CD2AP: variants seen among roughly 807,000 people sequenced by gnomAD.
CD2AP encodes the protein CD2 associated protein.
Under a neutral mutation model 85.1 loss-of-function variants are expected in CD2AP, and 46 were observed. That is an observed-to-expected ratio of 0.54 (90% CI 0.43 to 0.69). The LOEUF (loss-of-function observed/expected upper bound fraction) is 0.69. Among genes scored for constraint, CD2AP ranks in the 30% least tolerant of loss-of-function variants. CD2AP has a pLI of 0.00. For missense variants in CD2AP, 769 were observed against 729.5 expected (o/e 1.05, Z -0.62); for synonymous variants, 255 against 252.9 (o/e 1.01, Z -0.08).
intron 11 of CD2AP, among the ~76,000 whole-genome samples, chr6:47,588,126 T>G (rs896952132): frequency 1.3e-5 from 2 of 152,182 alleles, no homozygotes; most frequent in Admixed American, 1.3e-4. Flanking sequence ...TGTACTTCTC[T>G]CAGAATCTTT....
chr6:47,513,894 G>GA (rs934319202), intron 2 of CD2AP, among the ~76,000 whole-genome samples: 1 of 145,732 alleles, frequency 6.9e-6, no homozygotes, highest in Non-Finnish European at 1.5e-5. Context: ...TTTTTTTTTG[G>GA]GGGGGGGGCT....
At position 47,606,238 on chromosome 6, in the gene CD2AP, TG is replaced by T. The variant is rs1440242332; in HGVS notation, c.1493del (p.Gly498GlufsTer22). On this transcript the variant is annotated frameshift_variant, in exon 14 of 18. Transcript: ENST00000359314. LOFTEE classifies it high-confidence loss of function. Reference protein sequence around the residue: ...HLTANRPKMPGRRLPGRFNGG... With the variant: ...HLTANRPKMPXRRLPGRFNGG... ...TCACTGCAAATAGACCAAAGATGCC[TG>T]GAAGAAGGTTGCCGGGCCGTTTCAA... 6.2e-7 allele frequency: 1 copy of T among 1,611,046 alleles called. No homozygotes were observed. Among genetic ancestry groups the T allele is most frequent in the Admixed American group, 1.7e-5 (1 of 59,918 alleles).
chr6:47,579,321 C>G, intron 8 of CD2AP, 64 bp from the exon 9 acceptor site: 1 of 951,938 alleles, frequency 1.1e-6, no homozygotes, highest in Non-Finnish European at 1.6e-6. Flanking sequence ...GCCAACAGAG[C>G]AACACTTTAT....
At chr6:47,612,309 C>A (rs779683099) in intron 16 of CD2AP, among the ~76,000 whole-genome samples, 164 bp from the exon 17 acceptor site, 8 of 152,078 alleles carry the variant, frequency 5.3e-5, no homozygotes, top group East Asian at 1.9e-4. Context: ...TTATATTGAA[C>A]CATTCTAACT....
At chr6:47,577,260 A>G (rs896492058) in intron 8 of CD2AP, among the ~76,000 whole-genome samples, 157 bp downstream of exon 8, 7 of 152,230 alleles carry the variant, frequency 4.6e-5, no homozygotes, top group African/African-American at 1.2e-4. Flanking sequence ...TTGGCACGTA[A>G]TAAGTGCTCA....
intron 1 of CD2AP, among the ~76,000 whole-genome samples, chr6:47,478,610 C>T (rs2113952149): frequency 6.6e-6 from 1 of 152,292 alleles, no homozygotes; most frequent in Non-Finnish European, 1.5e-5. Context: ...CCCTCCCCCT[C>T]CTCGTGGGAT....
chr6:47,535,323 A>G (rs372388284), intron 3 of CD2AP, among the ~76,000 whole-genome samples: 1 of 152,264 alleles, frequency 6.6e-6, no homozygotes, highest in South Asian at 2.1e-4. Context: ...ATTATGGTGT[A>G]TAAATCCCTG....
chr6:47,522,697 C>T (rs1396771754), intron 2 of CD2AP, among the ~76,000 whole-genome samples: 1 of 151,944 alleles, frequency 6.6e-6, no homozygotes, highest in African/African-American at 2.4e-5. Flanking sequence ...TGGTTTCAAC[C>T]TAAATTTCTA....
Position 47,574,139 on chromosome 6 carries a change from C to T in CD2AP, c.617C>T (p.Thr206Ile). Residue 206 changes from threonine (T) to isoleucine (I), a missense_variant, in exon 6 of 18, where the codon ACA becomes ATA. By Grantham distance (89) the Thr-to-Ile change is moderately conservative. Transcript: ENST00000359314. ...AGTGAAACTGCATCTGGATCAGTTACACAGCCAAAGAAAATTCGAGGAATT... is the reference window on the plus strand; with the variant it reads ...AGTGAAACTGCATCTGGATCAGTTATACAGCCAAAGAAAATTCGAGGAATT... ...NVSETASGSV[T>I]QPKKIRGIGF... The T allele has an allele frequency of 1.9e-6, 3 of 1,613,930 alleles. No homozygotes were observed. Among genetic ancestry groups the T allele is most frequent in the Non-Finnish European group, 2.5e-6 (3 of 1,179,928 alleles).
At chr6:47,499,460 T>C (rs552934644) in intron 1 of CD2AP, among the ~76,000 whole-genome samples, 229 of 152,210 alleles carry the variant, frequency 1.5e-3, no homozygotes, top group African/African-American at 5.3e-3. Context: ...TGAAAGTAGC[T>C]TTTTCCATAT....
At chr6:47,609,102 A>ATT (rs747933768) in intron 15 of CD2AP, 21 bp from the exon 16 acceptor site, 9 of 1,467,494 alleles carry the variant, frequency 6.1e-6, no homozygotes, top group Admixed American at 3.8e-5. Flanking sequence ...AAAATCAGAA[A>ATT]TTTTTTTTTT....
intron 8 of CD2AP, among the ~76,000 whole-genome samples, chr6:47,578,251 C>T (rs1236749183): frequency 1.3e-5 from 2 of 151,168 alleles, no homozygotes; most frequent in South Asian, 2.1e-4. Flanking sequence ...CCCAGGCTGG[C>T]GTGCAGTGGT....
intron 4 of CD2AP, among the ~76,000 whole-genome samples, chr6:47,549,172 T>A (rs1415154016): frequency 6.6e-6 from 1 of 152,100 alleles, no homozygotes; most frequent in African/African-American, 2.4e-5. Flanking sequence ...TCACCACTCC[T>A]CTTCAACATA....
At chr6:47,523,859 C>T (rs1402268228) in intron 2 of CD2AP, among the ~76,000 whole-genome samples, 3 of 152,070 alleles carry the variant, frequency 2.0e-5, no homozygotes, top group Non-Finnish European at 2.9e-5. Flanking sequence ...TATTTTAAAT[C>T]ACAGACATAG....
chr6:47,536,208 TTA>T (rs897616430), intron 3 of CD2AP, among the ~76,000 whole-genome samples: 1 of 151,832 alleles, frequency 6.6e-6, no homozygotes, highest in Non-Finnish European at 1.5e-5. Flanking sequence ...ATGTATTATT[TTA>T]TGTTTATTAA....
intron 2 of CD2AP, among the ~76,000 whole-genome samples, chr6:47,510,738 CT>C (rs1766290225): frequency 1.3e-5 from 2 of 152,106 alleles, no homozygotes; most frequent in Non-Finnish European, 2.9e-5. Flanking sequence ...CGCACACCCC[CT>C]CTTTCCCTTC....
At chr6:47,504,102 A>G (rs767002807) in intron 2 of CD2AP, among the ~76,000 whole-genome samples, 1 of 152,230 alleles carries the variant, frequency 6.6e-6, no homozygotes, top group Non-Finnish European at 1.5e-5. Context: ...TAGGGCTCTT[A>G]TCAATTACAA....
At chr6:47,491,678 C>T (rs921776812) in intron 1 of CD2AP, among the ~76,000 whole-genome samples, 1 of 151,950 alleles carries the variant, frequency 6.6e-6, no homozygotes, top group African/African-American at 2.4e-5. Context: ...CAAAATAATG[C>T]ATATTTATTA....
At chr6:47,506,312 T>C (rs1201676760) in intron 2 of CD2AP, among the ~76,000 whole-genome samples, 2 of 47,690 alleles carry the variant, frequency 4.2e-5, no homozygotes, top group African/African-American at 7.5e-5. Flanking sequence ...CTCCTCACTT[T>C]CCAGACTGGG....
Sources: gnomAD v4.1 joint callset for allele counts (sites outside exome capture counted in the v4.1 genomes callset) on GRCh38, gnomAD v4.1.1 for gene constraint, MANE v1.5 for transcripts, NCBI Gene and HGNC (gene_info 2026-07-23, HGNC 2026-07-21) for gene names.